PIK3R6: variants seen among roughly 807,000 people sequenced by gnomAD.
The protein encoded by PIK3R6 is phosphoinositide-3-kinase regulatory subunit 6.
In PIK3R6, 91 loss-of-function variants were observed where a neutral mutation model predicts 84.9. The observed-to-expected ratio is 1.07, with a 90% confidence interval of 0.90 to 1.28. The LOEUF (loss-of-function observed/expected upper bound fraction) is 1.28. PIK3R6 is among the 50% of genes most tolerant of loss of function. The pLI is 0.00. For synonymous variants in PIK3R6, 416 were observed against 411.4 expected (o/e 1.01, Z -0.13); for missense variants, 996 against 985.1 (o/e 1.01, Z -0.15).
chr17:8,829,854 C>A, intron 9 of PIK3R6, 62 bp from the exon 10 acceptor site: 1 of 1,314,850 alleles, frequency 7.6e-7, no homozygotes, highest in South Asian at 1.3e-5. Flanking sequence ...CTCTGCCCTC[C>A]CCATCCTGCC....
At position 8,828,993 on chromosome 17, in the gene PIK3R6, G is replaced by A. The variant is rs969738679; in HGVS notation, c.890-3C>T. On this transcript the variant is annotated splice_region_variant and splice_polypyrimidine_tract_variant and intron_variant, in intron 10 of 19. Transcript: ENST00000619866. ...GAGGAAGAGCACCAGTTCCTTCCCTGGGGTGGGGGAACAAGGGCGGTGAGG... is the reference window on the plus strand; with the variant it reads ...GAGGAAGAGCACCAGTTCCTTCCCTAGGGTGGGGGAACAAGGGCGGTGAGG... 2.0e-6 allele frequency: 3 copies of A among 1,495,038 alleles called. No homozygotes were observed. The highest frequency in any genetic ancestry group is 2.4e-5 in the East Asian group (1 of 41,554). 92.6% of individuals were successfully genotyped at this position (1,495,038 alleles called of 1,614,324 possible). A position where few individuals can be genotyped will look rare whatever the true frequency, so the allele number is the denominator to read the frequency against.
intron 8 of PIK3R6, 121 bp downstream of exon 8, chr17:8,835,152 T>G: frequency 8.6e-7 from 1 of 1,157,860 alleles, no homozygotes; most frequent in Non-Finnish European, 1.2e-6. Context: ...TGTATTAATT[T>G]TTGATTTGGG....
chr17:8,851,220 G>A (rs925023308), intron 1 of PIK3R6, among the ~76,000 whole-genome samples: 2 of 151,900 alleles, frequency 1.3e-5, no homozygotes, highest in South Asian at 2.1e-4. Context: ...AAAACCGGCC[G>A]GGCACGATGG....
At chr17:8,846,121 T>C (rs2088809823) in intron 2 of PIK3R6, among the ~76,000 whole-genome samples, 1 of 152,220 alleles carries the variant, frequency 6.6e-6, no homozygotes, top group Non-Finnish European at 1.5e-5. Context: ...TTCATCTATC[T>C]TGAGTTAATT....
chr17:8,860,009 C>T (rs181448039), intron 1 of PIK3R6, among the ~76,000 whole-genome samples: 111 of 152,310 alleles, frequency 7.3e-4, no homozygotes, highest in African/African-American at 2.6e-3. Flanking sequence ...CTAACCATTT[C>T]GCAGACTCAT....
chr17:8,828,644 C>A lies in PIK3R6; in HGVS notation c.1236G>T (p.Arg412=). The A allele has an allele frequency of 6.2e-7, 1 of 1,613,176 alleles. No individual in the cohort carries two copies. Residue 412 remains arginine (R), a synonymous_variant, in exon 11 of 20, where the codon CGG becomes CGT. Transcript: ENST00000619866. ...GCACAAGTACCCGGGCTGTGTGCAGCCGGGACACGCCGGGCAGCATTTCCC... is the reference window on the plus strand; with the variant it reads ...GCACAAGTACCCGGGCTGTGTGCAGACGGGACACGCCGGGCAGCATTTCCC... The part of the protein sequence containing the change: ...GDGEMLPGVS[R]LHTARVLVLG...
At chr17:8,821,778 G>C in intron 17 of PIK3R6, 68 bp downstream of exon 17, 1 of 1,466,374 alleles carries the variant, frequency 6.8e-7, no homozygotes, top group Non-Finnish European at 9.3e-7. Context: ...CTGCCACTCT[G>C]CCCTCTCCCC....
chr17:8,825,705 CAATT>C (rs1465226211), intron 13 of PIK3R6, among the ~76,000 whole-genome samples: 1 of 152,058 alleles, frequency 6.6e-6, no homozygotes, highest in African/African-American at 2.4e-5. Flanking sequence ...TGCAGATAGA[CAATT>C]AATTAAATGT....
chr17:8,827,316 A>T (rs774661941), intron 12 of PIK3R6, 22 bp from the exon 13 acceptor site: 1 of 1,547,222 alleles, frequency 6.5e-7, no homozygotes, highest in South Asian at 1.2e-5. Context: ...GGGATGGGGC[A>T]GACCCGTCAG....
chr17:8,843,134 G>A (rs2088727884), intron 2 of PIK3R6, among the ~76,000 whole-genome samples: 1 of 152,154 alleles, frequency 6.6e-6, no homozygotes, highest in South Asian at 2.1e-4. Flanking sequence ...CCAGACTGTT[G>A]AGGAAATCAT....
Position 8,828,934 on chromosome 17 carries a change from A to T in PIK3R6, c.946T>A (p.Leu316Met), listed in dbSNP as rs371577114. Residue 316 changes from leucine to methionine, a missense_variant, in exon 11 of 20, where the codon TTG (leucine) becomes ATG (methionine). Coordinates refer to ENST00000619866, the MANE Select transcript of PIK3R6 (RefSeq NM_001010855.4). Reference protein sequence around the residue: ...PRSQLRLSADLEVLDLQGLRP... With the variant: ...PRSQLRLSADMEVLDLQGLRP... The stretch of plus-strand genomic sequence containing the variant: ...AGGCCCTGCAGATCCAAGACCTCCA[A>T]GTCAGCACTGAGGCGCAGCTGGGAT... 17 of 1,520,774 alleles carry T rather than the reference A, an allele frequency of 1.1e-5. No homozygotes were observed. The highest frequency in any genetic ancestry group is 1.4e-5 in the Non-Finnish European group (16 of 1,135,308). 94.2% of individuals were successfully genotyped at this position (1,520,774 alleles called of 1,614,324 possible).
intron 18 of PIK3R6, among the ~76,000 whole-genome samples, chr17:8,805,092 G>A (rs1420492812): frequency 6.6e-6 from 1 of 152,144 alleles, no homozygotes; most frequent in Non-Finnish European, 1.5e-5. Flanking sequence ...TTTAGGGGAT[G>A]GGGGTAGGCC....
intron 12 of PIK3R6, 27 bp downstream of exon 12, chr17:8,828,085 G>A (rs1202440303): frequency 1.2e-6 from 2 of 1,609,544 alleles, no homozygotes; most frequent in East Asian, 2.2e-5. Flanking sequence ...TCTCTGCCCC[G>A]CCACCGCCTC....
chr17:8,827,766 GAGAGAGAGAGA>G (rs2087987700), intron 12 of PIK3R6, among the ~76,000 whole-genome samples: 1 of 56,398 alleles, frequency 1.8e-5, no homozygotes, highest in Non-Finnish European at 3.3e-5. Context: ...AGAGAGAGGA[GAGAGAGAGAGA>G]GAGAGAGAGA....
intron 2 of PIK3R6, among the ~76,000 whole-genome samples, chr17:8,843,862 A>G (rs2088752860): frequency 6.6e-6 from 1 of 152,074 alleles, no homozygotes; most frequent in Admixed American, 6.6e-5. Flanking sequence ...ACTCATTTAT[A>G]TCCTCTGCCT....
intron 2 of PIK3R6, 81 bp downstream of exon 2, chr17:8,849,701 T>C (rs1201176860): frequency 2.0e-6 from 3 of 1,491,488 alleles, no homozygotes; most frequent in Non-Finnish European, 2.7e-6. Context: ...CTGCCAGCCC[T>C]AGAGGCATCC....
At chr17:8,829,206 C>A (rs1292204986) in intron 10 of PIK3R6, among the ~76,000 whole-genome samples, 1 of 124,328 alleles carries the variant, frequency 8.0e-6, no homozygotes, top group Admixed American at 7.9e-5. Context: ...CACACGTGCA[C>A]ACACACAGAC....
intron 2 of PIK3R6, among the ~76,000 whole-genome samples, chr17:8,846,118 A>G (rs184766387): frequency 6.6e-6 from 1 of 152,250 alleles, no homozygotes; most frequent in East Asian, 1.9e-4. Flanking sequence ...TCTTTCATCT[A>G]TCTTGAGTTA....
In PIK3R6 at chr17:8,829,694, A is replaced by T; in HGVS notation, c.889+12T>A. 3 of 1,550,328 alleles carry T rather than the reference A, an allele frequency of 1.9e-6. No homozygotes were observed. Among genetic ancestry groups the T allele is most frequent in the Non-Finnish European group, 2.6e-6 (3 of 1,145,918 alleles). On this transcript the variant is annotated intron_variant, in intron 10 of 19. Transcript: ENST00000619866. ...TATACCACTGTTTCCAGACAGCTCCATGGGCACGTACAGAGCTGCTCCTCA... is the reference window on the plus strand; with the variant it reads ...TATACCACTGTTTCCAGACAGCTCCTTGGGCACGTACAGAGCTGCTCCTCA...
Sources: allele counts gnomAD v4.1 joint callset (sites outside exome capture counted in the v4.1 genomes callset), GRCh38; gene constraint gnomAD v4.1.1; transcripts MANE v1.5; gene names NCBI Gene and HGNC (gene_info 2026-07-23, HGNC 2026-07-21).